FGGY: variants seen among roughly 807,000 people sequenced by gnomAD.
The protein encoded by FGGY is FGGY carbohydrate kinase domain-containing protein.
FGGY carries 72 observed loss-of-function variants against 71.3 expected under a neutral mutation model. That is an observed-to-expected ratio of 1.01 (90% CI 0.84 to 1.23). FGGY has a LOEUF of 1.23. Ranked by LOEUF, FGGY falls within the 50% of genes most tolerant of loss-of-function variation. The probability of loss-of-function intolerance (pLI) is 0.00; values close to 1 mark genes in which losing one functional copy is unlikely to be tolerated. For missense variants in FGGY, 668 were observed against 682.3 expected (o/e 0.98, Z 0.23); for synonymous variants, 251 against 250.3 (o/e 1.00, Z -0.02).
intron 3 of FGGY, among the ~76,000 whole-genome samples, chr1:59,344,632 A>G (rs1016173814): frequency 2.0e-5 from 3 of 152,266 alleles, no homozygotes; most frequent in Admixed American, 6.5e-5. Context: ...CATAACCCAC[A>G]GATACTCAAG....
chr1:59,313,709 A>G (rs997829764), intron 1 of FGGY, among the ~76,000 whole-genome samples: 1 of 152,230 alleles, frequency 6.6e-6, no homozygotes, highest in African/African-American at 2.4e-5. Context: ...TCAGGAATGG[A>G]AAACCAAACA....
At chr1:59,501,640 C>G (rs891317824) in intron 6 of FGGY, among the ~76,000 whole-genome samples, 1 of 152,142 alleles carries the variant, frequency 6.6e-6, no homozygotes, top group Non-Finnish European at 1.5e-5. Flanking sequence ...CCTTTTGAAA[C>G]AAGCGTTTTG....
At chr1:59,762,407 C>T (rs956733309) in intron 15 of FGGY, 96 bp from the exon 16 acceptor site, 4 of 887,722 alleles carry the variant, frequency 4.5e-6, no homozygotes, top group Non-Finnish European at 7.1e-6. Flanking sequence ...GTCAGCATCA[C>T]CACCACACAT....
intron 10 of FGGY, among the ~76,000 whole-genome samples, chr1:59,631,248 G>T (rs1558611046): frequency 6.6e-6 from 1 of 151,782 alleles, no homozygotes; most frequent in Non-Finnish European, 1.5e-5. Context: ...ATTAATTTTT[G>T]TCACAGCTAG....
chr1:59,445,083 A>G (rs866995673), intron 5 of FGGY, among the ~76,000 whole-genome samples: 2 of 152,198 alleles, frequency 1.3e-5, no homozygotes, highest in South Asian at 4.1e-4. Flanking sequence ...ACGAAGGAAG[A>G]GATAATATCT....
chr1:59,542,533 C>T, intron 7 of FGGY, among the ~76,000 whole-genome samples: 1 of 129,196 alleles, frequency 7.7e-6, no homozygotes, highest in East Asian at 2.5e-4. Flanking sequence ...GATCTTGGCT[C>T]ACTGCAACCT....
At chr1:59,459,174 A>G (rs1384443675) in intron 6 of FGGY, among the ~76,000 whole-genome samples, 1 of 152,140 alleles carries the variant, frequency 6.6e-6, no homozygotes, top group Non-Finnish European at 1.5e-5. Context: ...AAAACTGAAC[A>G]CCTCAGCAAC....
chr1:59,694,189 T>C (rs564716662), intron 14 of FGGY, among the ~76,000 whole-genome samples: 353 of 151,502 alleles, frequency 2.3e-3, no homozygotes, highest in African/African-American at 8.3e-3. Flanking sequence ...CTCGGGAGGC[T>C]GAGGCAGGAG....
At chr1:59,343,552 A>G (rs543291258) in intron 3 of FGGY, among the ~76,000 whole-genome samples, 3 of 152,298 alleles carry the variant, frequency 2.0e-5, no homozygotes, top group South Asian at 4.1e-4. Flanking sequence ...CTGGCAGTCA[A>G]CACACAGTAT....
At chr1:59,643,185 AT>A (rs1197780234) in intron 11 of FGGY, among the ~76,000 whole-genome samples, 6 of 151,472 alleles carry the variant, frequency 4.0e-5, no homozygotes, top group Non-Finnish European at 7.4e-5. Context: ...AATATTTTTA[AT>A]TTTTTTTTAA....
intron 4 of FGGY, among the ~76,000 whole-genome samples, chr1:59,351,863 A>C (rs915248661): frequency 6.6e-6 from 1 of 152,144 alleles, no homozygotes; most frequent in African/African-American, 2.4e-5. Context: ...TCCTTAGCCT[A>C]GAGTCAGATG....
chr1:59,617,501 A>G (rs375809023), intron 9 of FGGY, among the ~76,000 whole-genome samples: 217 of 151,878 alleles, frequency 1.4e-3, no homozygotes, highest in African/African-American at 5.1e-3. Flanking sequence ...GAAAACACAT[A>G]CTCCCTTCCT....
At chr1:59,568,889 C>A (rs1032467369) in intron 8 of FGGY, among the ~76,000 whole-genome samples, 5 of 151,872 alleles carry the variant, frequency 3.3e-5, no homozygotes, top group South Asian at 2.1e-4. Flanking sequence ...TAAAGTGATA[C>A]GGTAACAGAT....
chr1:59,523,134 G>C (rs908359993), intron 7 of FGGY, among the ~76,000 whole-genome samples: 1 of 152,206 alleles, frequency 6.6e-6, no homozygotes, highest in African/African-American at 2.4e-5. Flanking sequence ...CCAAGCACCT[G>C]TTAGGAGGAC....
intron 8 of FGGY, among the ~76,000 whole-genome samples, chr1:59,558,725 G>T (rs2095734884): frequency 6.6e-6 from 1 of 152,052 alleles, no homozygotes; most frequent in South Asian, 2.1e-4. Context: ...ACCAGGGTGG[G>T]TTTTTTCCCC....
At chr1:59,384,021 A>G (rs2059791753) in intron 5 of FGGY, among the ~76,000 whole-genome samples, 1 of 152,194 alleles carries the variant, frequency 6.6e-6, no homozygotes, top group Non-Finnish European at 1.5e-5. Flanking sequence ...TTTTGGGTTC[A>G]CAAAGTGGAG....
At chr1:59,419,079 A>G (rs967855331) in intron 5 of FGGY, among the ~76,000 whole-genome samples, 1 of 152,170 alleles carries the variant, frequency 6.6e-6, no homozygotes, top group Admixed American at 6.6e-5. Context: ...AGAGACTGGA[A>G]CCAGATTATA....
Position 59,638,299 on chromosome 1 carries a change from T to G in FGGY, c.1145T>G (p.Leu382Arg). The G allele has an allele frequency of 6.2e-7, 1 of 1,614,246 alleles. No individual in the cohort carries two copies. Among genetic ancestry groups the G allele is most frequent in the Middle Eastern group, 1.6e-4 (1 of 6,062 alleles). The change falls in exon 11 of 16, where the codon CTT (leucine) becomes CGT (arginine). Residue 382 changes from leucine to arginine, a missense_variant. By Grantham distance (102) the Leu-to-Arg change is moderately radical. Around this residue, in one of 2 missense-constraint regions of FGGY, gnomAD observed 661 missense variants for 661.6 expected, o/e 1.00. Coordinates refer to ENST00000303721, the MANE Select transcript of FGGY (RefSeq NM_018291.5). ...AAGAAGGCTCAGCCTGTGGGTTTCCTTACTGTTGATTTACATGTTTGGCCA... is the reference window on the plus strand; with the variant it reads ...AAGAAGGCTCAGCCTGTGGGTTTCCGTACTGTTGATTTACATGTTTGGCCA... Reference protein sequence around the residue: ...LIKKAQPVGFLTVDLHVWPDF... With the variant: ...LIKKAQPVGFRTVDLHVWPDF...
intron 5 of FGGY, among the ~76,000 whole-genome samples, chr1:59,418,911 G>C (rs2064950555): frequency 1.3e-5 from 2 of 152,162 alleles, no homozygotes. Context: ...CTGGCAGCAG[G>C]CACATTTGGG....
Sources: allele counts gnomAD v4.1 joint callset (sites outside exome capture counted in the v4.1 genomes callset), GRCh38; gene constraint gnomAD v4.1.1; regional missense constraint gnomAD v4.1.1; transcripts MANE v1.5; gene names NCBI Gene and HGNC (gene_info 2026-07-23, HGNC 2026-07-21).